The following DDX55 variants were observed in gnomAD, a reference collection of about 807,000 sequenced individuals.
The protein encoded by DDX55 is DEAD-box helicase 55, also known as ATP-dependent RNA helicase DDX55.
DDX55 carries 56 observed loss-of-function variants against 69.2 expected under a neutral mutation model. That is an observed-to-expected ratio of 0.81 (90% confidence interval 0.65 to 1.01). DDX55 has a LOEUF of 1.01. Ranked by LOEUF, DDX55 falls within the 50% of genes least tolerant of loss-of-function variation. DDX55 has a pLI of 0.00. For missense variants in DDX55, 720 were observed against 745.1 expected, an observed-to-expected ratio of 0.97 and a Z score of 0.39; for synonymous variants, 268 against 273.1, an observed-to-expected ratio of 0.98 and a Z score of 0.18.
chr12:123,610,963 C>T (rs1009873560), intron 7 of DDX55, among the ~76,000 whole-genome samples: 8 of 151,258 alleles, frequency 5.3e-5, no homozygotes, highest in Non-Finnish European at 1.0e-4. Context: ...TGCAATGGCA[C>T]GATCTCGGCT....
At chr12:123,607,306 G>T (rs1953949603) in intron 3 of DDX55, 126 bp from the exon 4 acceptor site, 1 of 969,216 alleles carries the variant, frequency 1.0e-6, no homozygotes, top group Non-Finnish European at 1.6e-6. Flanking sequence ...AGATGCTGCT[G>T]AGAAAGTCTG....
intron 7 of DDX55, among the ~76,000 whole-genome samples, chr12:123,610,704 TG>T (rs1954170818): frequency 7.0e-6 from 1 of 142,282 alleles, no homozygotes; most frequent in African/African-American, 2.7e-5. Flanking sequence ...CTCCGCCTCC[TG>T]GGTTCATGCC....
intron 11 of DDX55, chr12:123,618,441 C>G: frequency 7.4e-7 from 1 of 1,348,670 alleles, no homozygotes; most frequent in Non-Finnish European, 1.0e-6. Context: ...TGTTGCCATA[C>G]TTTGCTACCA....
chr12:123,602,481 T>G (rs1165816071), intron 1 of DDX55, among the ~76,000 whole-genome samples: 1 of 152,226 alleles, frequency 6.6e-6, no homozygotes, highest in African/African-American at 2.4e-5. Context: ...TGCTGTGGTC[T>G]CAAGCCTGGT....
chr12:123,604,434 C>T (rs776611174), intron 1 of DDX55, among the ~76,000 whole-genome samples: 8 of 151,902 alleles, frequency 5.3e-5, no homozygotes, highest in Admixed American at 2.0e-4. Flanking sequence ...ATAAGATTCC[C>T]GGGAATGTGG....
chr12:123,611,014 C>T (rs1954203143), intron 7 of DDX55, among the ~76,000 whole-genome samples: 1 of 152,118 alleles, frequency 6.6e-6, no homozygotes, highest in Non-Finnish European at 1.5e-5. Context: ...ATTCTTCTGC[C>T]TCAGTCTCCC....
At chr12:123,610,930 T>C (rs1954196442) in intron 7 of DDX55, among the ~76,000 whole-genome samples, 1 of 146,598 alleles carries the variant, frequency 6.8e-6, no homozygotes, top group Admixed American at 6.8e-5. Flanking sequence ...AGACGGGGTC[T>C]CACCCTGTCA....
chr12:123,609,055 A>G lies in DDX55; in HGVS notation c.551+226A>G, dbSNP rs10744156. Among the ~76,000 whole-genome samples, 147,372 of 152,264 alleles carry G rather than the reference A, an allele frequency of 0.97. 71,353 individuals are homozygous for G. The highest frequency in any genetic ancestry group is 1 in the East Asian group (5,175 of 5,176). On this transcript the variant is annotated intron_variant, in intron 6 of 13. Transcript: ENST00000238146. ...TGCAGCCTCAACCTCTCGGGCTCAG[A>G]TGATCCTCCTGCATCAGCCTCCCGG...
rs745971715 is a variant in DDX55 at position 123,620,061 on chromosome 12, A to C, written c.1724A>C (p.Glu575Ala). 6 of 1,614,208 alleles carry C rather than the reference A, an allele frequency of 3.7e-6. No individual in the cohort carries two copies. In the East Asian group the frequency reaches 1.1e-4, roughly 30 times the overall value. Residue 575 changes from glutamate (E) to alanine (A), a missense_variant, in exon 14 of 14, where the codon GAG becomes GCG. By Grantham distance (107) the Glu-to-Ala change is moderately radical. Transcript: ENST00000238146. ...GGCAAAATAACTGAAGAAGAATTTGAGAAGGGCTTGTTGACAACTGGCAAA... is the reference window on the plus strand; with the variant it reads ...GGCAAAATAACTGAAGAAGAATTTGCGAAGGGCTTGTTGACAACTGGCAAA... ...KKGKITEEEFEKGLLTTGKRT... is the reference protein window; with the variant it reads ...KKGKITEEEFAKGLLTTGKRT...
chr12:123,602,327 A>T, intron 1 of DDX55, 71 bp downstream of exon 1: 2 of 1,387,850 alleles, frequency 1.4e-6, no homozygotes. Context: ...GACCCACAGG[A>T]GGTGATCGGA....
At position 123,620,189 on chromosome 12, in the gene DDX55, G is replaced by C. The variant is rs756332192; in HGVS notation, c.*49G>C. On this transcript the variant is annotated 3_prime_UTR_variant, in exon 14 of 14. Coordinates refer to ENST00000238146, the MANE Select transcript of DDX55 (RefSeq NM_020936.3). The stretch of plus-strand genomic sequence containing the variant: ...CAAGGACATAGCTGTTCCCTAACTT[G>C]GTGGATGGCTCCAGTTTGCTTTTAA... 1.3e-5 allele frequency: 20 copies of C among 1,540,798 alleles called. No individual in the cohort carries two copies. In the Admixed American group the frequency reaches 3.4e-4, roughly 26 times the overall value.
chr12:123,619,632 A>T lies in DDX55; in HGVS notation c.1534A>T (p.Arg512Ter). The change falls in exon 13 of 14, where the codon AGA becomes TGA. Residue 512 changes from arginine (R) to a stop codon, truncating the protein, a stop_gained. Coordinates refer to ENST00000238146, the MANE Select transcript of DDX55 (RefSeq NM_020936.3). LOFTEE classifies it high-confidence loss of function. ...QRREKTENEG[R>*]RKFIKNKAWS... ...AAGAGAGAAAACAGAAAATGAAGGG[A>T]GAAGAAAATTCATAAAAAATAAAGC... is the stretch of plus-strand genomic sequence containing the variant. 7.4e-6 allele frequency: 12 copies of T among 1,612,678 alleles called. No individual in the cohort carries two copies. Among genetic ancestry groups the T allele is most frequent in the Non-Finnish European group, 9.3e-6 (11 of 1,179,742 alleles).
At position 123,608,727 on chromosome 12, in the gene DDX55, G is replaced by A. The variant is rs200518654; in HGVS notation, c.449G>A (p.Arg150Gln). 44 of 1,613,980 alleles carry A rather than the reference G, an allele frequency of 2.7e-5. No individual in the cohort carries two copies. Among genetic ancestry groups the A allele is most frequent in the Admixed American group, 6.7e-5 (4 of 60,004 alleles). ...ATPGRLEDMFRRKAEGLDLAS... is the reference protein window; with the variant it reads ...ATPGRLEDMFQRKAEGLDLAS... ...CCAGGCCGCTTGGAGGACATGTTCC[G>A]GAGGAAGGCCGAAGGCTTGGATCTG... The change falls in exon 6 of 14, where the codon CGG becomes CAG. Residue 150 changes from arginine to glutamine, a missense_variant. Coordinates refer to ENST00000238146, the MANE Select transcript of DDX55 (RefSeq NM_020936.3).
intron 6 of DDX55, among the ~76,000 whole-genome samples, chr12:123,609,627 T>C (rs61678733): frequency 0.16 from 23,648 of 151,862 alleles, 2,237 homozygotes; most frequent in African/African-American, 0.26. Flanking sequence ...CCCATCCCAG[T>C]CTCCCGAAGT....
In DDX55 at chr12:123,620,629, A is replaced by AT. The variant is rs1566211855; in HGVS notation, c.*489_*490insT. 1.6e-5 allele frequency: 1 copy of AT among 60,826 alleles called. No homozygotes were observed. Among genetic ancestry groups the AT allele is most frequent in the Non-Finnish European group, 3.4e-5 (1 of 29,202 alleles). 3.8% of individuals were successfully genotyped at this position (60,826 alleles called of 1,614,324 possible). On this transcript the variant is annotated 3_prime_UTR_variant, in exon 14 of 14. Coordinates refer to ENST00000238146, the MANE Select transcript of DDX55 (RefSeq NM_020936.3). ...ATATATATATATATATATATATATA[A>AT]GCTCTTTTTTCTGAGGCTATTTTAT...
rs1482673425 is a variant in DDX55 at position 123,610,634 on chromosome 12, C to T, written c.741+506C>T. Reference sequence around the variant, plus strand: ...TTTTTTTTTTTTTTTTTTTTTGAGACAGAGTCTGGCTCTGTCGCCCAGGCT... The same window carrying T: ...TTTTTTTTTTTTTTTTTTTTTGAGATAGAGTCTGGCTCTGTCGCCCAGGCT... On this transcript the variant is annotated intron_variant, in intron 7 of 13. Transcript: ENST00000238146. 8.4e-5 allele frequency among the ~76,000 whole-genome samples: 9 copies of T among 107,622 alleles called. No homozygotes were observed. The East Asian group carries it at 2.7e-3, about 32-fold the overall frequency. The allele number at this position is 107,622 out of a possible 152,430, so 70.6% of individuals were successfully genotyped here.
chr12:123,616,210 A>C (rs1175738292), intron 9 of DDX55, among the ~76,000 whole-genome samples: 1 of 152,098 alleles, frequency 6.6e-6, no homozygotes, highest in African/African-American at 2.4e-5. Context: ...TATGGAGTGA[A>C]TTGTCCGTTG....
Position 123,620,218 on chromosome 12 carries a change from A to G in DDX55, c.*78A>G. On this transcript the variant is annotated 3_prime_UTR_variant, in exon 14 of 14. Transcript: ENST00000238146. ...GATGGCTCCAGTTTGCTTTTAACGA[A>G]AATCACAACTTCAGGAGACATCTGA... 1 of 1,418,316 alleles carries G rather than the reference A, an allele frequency of 7.1e-7. No individual in the cohort carries two copies. Among genetic ancestry groups the G allele is most frequent in the South Asian group, 1.4e-5 (1 of 72,604 alleles). 87.9% of individuals were successfully genotyped at this position (1,418,316 alleles called of 1,614,324 possible). A position where few individuals can be genotyped will look rare whatever the true frequency, so the allele number is the denominator to read the frequency against.
chr12:123,611,634 G>A (rs940384371), intron 7 of DDX55, among the ~76,000 whole-genome samples: 9 of 152,198 alleles, frequency 5.9e-5, no homozygotes, highest in Admixed American at 1.3e-4. Context: ...GCTGCTCTCC[G>A]GTTTGTGTCA....
Sources: gnomAD v4.1 joint callset for allele counts (sites outside exome capture counted in the v4.1 genomes callset) on GRCh38, gnomAD v4.1.1 for gene constraint, MANE v1.5 for transcripts, NCBI Gene and HGNC (gene_info 2026-07-23, HGNC 2026-07-21) for gene names.